The following PKN2 variants were observed in gnomAD, a reference collection of about 807,000 sequenced individuals.
PKN2 encodes protein kinase N2.
PKN2 carries 38 observed loss-of-function variants against 119.1 expected under a neutral mutation model. That is an observed-to-expected ratio of 0.32 (90% CI 0.25 to 0.42). The LOEUF (loss-of-function observed/expected upper bound fraction) is 0.42. Among genes scored for constraint, PKN2 ranks in the 10% least tolerant of loss-of-function variants. The probability of loss-of-function intolerance (pLI) is 1.00; values close to 1 mark genes in which losing one functional copy is unlikely to be tolerated. For missense variants in PKN2, 850 were observed against 1,165.1 expected, an observed-to-expected ratio of 0.73 and a Z score of 3.94; for synonymous variants, 390 against 384.9, an observed-to-expected ratio of 1.01 and a Z score of -0.15.
intron 2 of PKN2, among the ~76,000 whole-genome samples, chr1:88,748,910 G>A (rs775358593): frequency 6.6e-6 from 1 of 152,082 alleles, no homozygotes; most frequent in African/African-American, 2.4e-5. Flanking sequence ...AGCCTGGGCA[G>A]CAGAGCAAGA....
intron 6 of PKN2, among the ~76,000 whole-genome samples, chr1:88,782,117 C>A (rs1410644371): frequency 2.0e-5 from 3 of 152,118 alleles, no homozygotes; most frequent in Non-Finnish European, 2.9e-5. Context: ...AATTGACATA[C>A]AAAAACTATA....
In PKN2 at chr1:88,769,468, TTA is replaced by T. The variant is rs1278768538; in HGVS notation, c.505-882_505-881del. Among the ~76,000 whole-genome samples, 4 of 152,324 alleles carry T rather than the reference TTA, an allele frequency of 2.6e-5. No homozygotes were observed. In the East Asian group the frequency reaches 7.7e-4, roughly 29 times the overall value. ...ATTGATCATAGTAAAGGAAAATTCT[TTA>T]TGTTTTGTGTAAAGCAAAAATAAGA... On this transcript the variant is annotated intron_variant, in intron 3 of 21. Coordinates refer to ENST00000370521, the MANE Select transcript of PKN2 (RefSeq NM_006256.4).
chr1:88,781,081 A>C (rs891874825), intron 6 of PKN2: 5 of 1,191,770 alleles, frequency 4.2e-6, no homozygotes, highest in Non-Finnish European at 5.4e-6. Flanking sequence ...CCATAAACTA[A>C]ATTTTAAGTA....
intron 1 of PKN2, among the ~76,000 whole-genome samples, chr1:88,717,621 A>AT (rs1427683077): frequency 6.6e-6 from 1 of 151,802 alleles, no homozygotes; most frequent in African/African-American, 2.4e-5. Flanking sequence ...CGTAGTTCTC[A>AT]TGCCATGGTT....
At chr1:88,712,524 T>C (rs934008676) in intron 1 of PKN2, among the ~76,000 whole-genome samples, 1 of 152,162 alleles carries the variant, frequency 6.6e-6, no homozygotes, top group South Asian at 2.1e-4. Context: ...ACTACTAAAA[T>C]TTCTTCAAGA....
intron 1 of PKN2, among the ~76,000 whole-genome samples, chr1:88,690,719 A>G (rs1480911473): frequency 6.6e-6 from 1 of 152,142 alleles, no homozygotes; most frequent in Admixed American, 6.5e-5. Context: ...TTGCAATCAC[A>G]AAAATGAAAT....
At chr1:88,739,668 T>G (rs1191893247) in intron 1 of PKN2, among the ~76,000 whole-genome samples, 1 of 152,256 alleles carries the variant, frequency 6.6e-6, no homozygotes, top group East Asian at 1.9e-4. Flanking sequence ...TGGTTTCTTG[T>G]GTTTCAGAAT....
intron 1 of PKN2, among the ~76,000 whole-genome samples, chr1:88,705,956 A>C (rs773728013): frequency 6.6e-6 from 1 of 151,824 alleles, no homozygotes; most frequent in Non-Finnish European, 1.5e-5. Context: ...CCTTTTTCAA[A>C]TTTGTTTTGA....
At chr1:88,816,123 G>C (rs891776019) in intron 16 of PKN2, among the ~76,000 whole-genome samples, 6 of 139,458 alleles carry the variant, frequency 4.3e-5, no homozygotes, top group African/African-American at 1.5e-4. Context: ...CTGGGCGACA[G>C]AGTGAGACCC....
At chr1:88,728,956 A>G (rs1668014468) in intron 1 of PKN2, among the ~76,000 whole-genome samples, 1 of 146,904 alleles carries the variant, frequency 6.8e-6, no homozygotes, top group South Asian at 2.1e-4. Flanking sequence ...GTGCAATGAC[A>G]CGATCTCGGC....
At chr1:88,771,589 A>G (rs1163577750) in intron 5 of PKN2, 23 bp downstream of exon 5, 4 of 1,561,726 alleles carry the variant, frequency 2.6e-6, no homozygotes, top group South Asian at 1.2e-5. Context: ...AAAAATTTTT[A>G]TTTGGTTTAA....
At chr1:88,826,673 A>C (rs529522036) in intron 18 of PKN2, among the ~76,000 whole-genome samples, 1 of 152,258 alleles carries the variant, frequency 6.6e-6, no homozygotes, top group African/African-American at 2.4e-5. Flanking sequence ...GAAGAAACCT[A>C]GAATTTGATG....
chr1:88,814,015 A>G (rs1671883477), intron 16 of PKN2, among the ~76,000 whole-genome samples: 1 of 152,000 alleles, frequency 6.6e-6, no homozygotes, highest in African/African-American at 2.4e-5. Context: ...AGATTTTCTC[A>G]CTAGAGAATG....
In PKN2 at chr1:88,684,517, C is replaced by T; in HGVS notation, c.-64C>T. 1.4e-6 allele frequency: 2 copies of T among 1,455,158 alleles called. No homozygotes were observed. Among genetic ancestry groups the T allele is most frequent in the Non-Finnish European group, 1.9e-6 (2 of 1,071,742 alleles). 90.1% of individuals were successfully genotyped at this position (1,455,158 alleles called of 1,614,324 possible). On this transcript the variant is annotated 5_prime_UTR_variant, in exon 1 of 22. Coordinates refer to ENST00000370521, the MANE Select transcript of PKN2 (RefSeq NM_006256.4). Reference sequence around the variant, plus strand: ...CTCTCCTCACCCCCACCCCGAGCCCCGTCCCGCCTTCTCCCTTCGCCAGAG... The same window carrying T: ...CTCTCCTCACCCCCACCCCGAGCCCTGTCCCGCCTTCTCCCTTCGCCAGAG...
At position 88,835,474 on chromosome 1, in the gene PKN2, T is replaced by G. The variant is rs1672904120; in HGVS notation, c.*2026T>G. On this transcript the variant is annotated 3_prime_UTR_variant, in exon 22 of 22. Coordinates refer to ENST00000370521, the MANE Select transcript of PKN2 (RefSeq NM_006256.4). ...ACAGTGTACAGAATTTTTTTTTAAT[T>G]GAAGTCAATCACTAAAAAAATTAGA... 1 of 152,356 alleles carries G rather than the reference T, an allele frequency of 6.6e-6. No homozygotes were observed. The allele number at this position is 152,356 out of a possible 1,614,324, so 9.4% of individuals were successfully genotyped here.
At position 88,794,011 on chromosome 1, in the gene PKN2, T is replaced by G. The variant is rs374100649; in HGVS notation, c.1281+7798T>G. Among the ~76,000 whole-genome samples, 19 of 152,304 alleles carry G rather than the reference T, an allele frequency of 1.2e-4. No homozygotes were observed. In the East Asian group the frequency reaches 2.9e-3, roughly 23 times the overall value. On this transcript the variant is annotated intron_variant, in intron 8 of 21. Transcript: ENST00000370521. ...TTTAAACTTCTTTGAACTCCTGAAC[T>G]CTGGTATACCTTTACTCCTTTGTCA...
At chr1:88,744,785 A>C (rs776138464) in intron 2 of PKN2, among the ~76,000 whole-genome samples, 4 of 152,224 alleles carry the variant, frequency 2.6e-5, no homozygotes, top group African/African-American at 7.2e-5. Context: ...TTGTTTGTAA[A>C]ATAAGGATTT....
Position 88,807,531 on chromosome 1 carries a change from C to A in PKN2, c.1937C>A (p.Ser646Tyr), listed in dbSNP as rs543625646. 16 of 1,610,502 alleles carry A rather than the reference C, an allele frequency of 9.9e-6. No homozygotes were observed. In the South Asian group the frequency reaches 1.8e-4, roughly 18 times the overall value. ...TTAATTGAAATTTCTCTTTTCAGAT[C>A]TCAGCAAAGGTTTCAGTTTAATCTA... ...SGIQELEDRR[S>Y]QQRFQFNLQD... Residue 646 changes from serine to tyrosine, a missense_variant and splice_region_variant, in exon 14 of 22, where the codon TCT becomes TAT. By Grantham distance (144) the Ser-to-Tyr change is moderately radical (BLOSUM62 -2). Transcript: ENST00000370521.
chr1:88,701,165 C>T (rs192540841), intron 1 of PKN2, among the ~76,000 whole-genome samples: 350 of 152,208 alleles, frequency 2.3e-3, no homozygotes, highest in Non-Finnish European at 3.4e-3. Flanking sequence ...CAGTTGAGGC[C>T]GGGTGCAGTG....
Sources: gnomAD v4.1 joint callset for allele counts (sites outside exome capture counted in the v4.1 genomes callset) on GRCh38, gnomAD v4.1.1 for gene constraint, MANE v1.5 for transcripts, NCBI Gene and HGNC (gene_info 2026-07-23, HGNC 2026-07-21) for gene names.